Variants in TAOK3 observed in about 807,000 individuals in gnomAD.
TAOK3 encodes the protein serine/threonine-protein kinase TAO3.
TAOK3 carries 40 observed loss-of-function variants against 120.4 expected under a neutral mutation model. The ratio of observed to expected loss-of-function variants is 0.33; its 90% CI spans 0.26 to 0.43. The LOEUF is 0.43. TAOK3 is among the 20% of genes least tolerant of loss of function. TAOK3 has a pLI of 1.00. For synonymous variants in TAOK3, 355 were observed against 387.5 expected (o/e 0.92, Z 0.99); for missense variants, 821 against 1,112.1 (o/e 0.74, Z 3.72).
intron 13 of TAOK3, among the ~76,000 whole-genome samples, chr12:118,197,196 C>G (rs879538073): frequency 8.5e-5 from 13 of 152,070 alleles, no homozygotes; most frequent in Non-Finnish European, 1.5e-4. Flanking sequence ...GGTAACTCAT[C>G]CAAAGTTTTA....
chr12:118,227,421 G>C (rs2039562569), intron 9 of TAOK3, among the ~76,000 whole-genome samples: 1 of 151,126 alleles, frequency 6.6e-6, no homozygotes, highest in Non-Finnish European at 1.5e-5. Flanking sequence ...CAACTCCTCA[G>C]TTATGACCCT....
intron 9 of TAOK3, among the ~76,000 whole-genome samples, chr12:118,225,330 A>G (rs1023978986): frequency 6.6e-6 from 1 of 151,716 alleles, no homozygotes; most frequent in Non-Finnish European, 1.5e-5. Flanking sequence ...CCCCAAACAT[A>G]CAGAAAATAG....
intron 11 of TAOK3, among the ~76,000 whole-genome samples, chr12:118,206,041 CAGA>C (rs2038289716): frequency 6.6e-6 from 1 of 151,952 alleles, no homozygotes; most frequent in Admixed American, 6.6e-5. Flanking sequence ...GAGAGGTAGG[CAGA>C]AGTTCTCAAG....
intron 1 of TAOK3, among the ~76,000 whole-genome samples, chr12:118,277,180 T>C (rs571545877): frequency 6.6e-6 from 1 of 152,334 alleles, no homozygotes; most frequent in Non-Finnish European, 1.5e-5. Context: ...TGTTTCTTAT[T>C]ATTCAGTATG....
At chr12:118,297,714 G>A (rs2042734820) in intron 1 of TAOK3, among the ~76,000 whole-genome samples, 1 of 152,106 alleles carries the variant, frequency 6.6e-6, no homozygotes, top group African/African-American at 2.4e-5. Flanking sequence ...AGAATAAAAG[G>A]AGATATCCAA....
chr12:118,331,688 A>C (rs1435974023), intron 1 of TAOK3, among the ~76,000 whole-genome samples: 1 of 150,806 alleles, frequency 6.6e-6, no homozygotes, highest in Non-Finnish European at 1.5e-5. Context: ...CTGACTTTAC[A>C]GTAGTCTTAA....
At position 118,150,892 on chromosome 12, in the gene TAOK3, G is replaced by A; in HGVS notation, c.*105C>T. 4.4e-6 allele frequency: 5 copies of A among 1,144,444 alleles called. No individual in the cohort carries two copies. Among genetic ancestry groups the A allele is most frequent in the Non-Finnish European group, 3.7e-6 (3 of 820,836 alleles). 70.9% of individuals were successfully genotyped at this position (1,144,444 alleles called of 1,614,324 possible). A position where few individuals can be genotyped will look rare whatever the true frequency, so the allele number is the denominator to read the frequency against. On this transcript the variant is annotated 3_prime_UTR_variant, in exon 21 of 21. Transcript: ENST00000392533. ...TCAGTAAGAGTAAGAGAGAGAGAGA[G>A]TGAGAGCAACGCCCGTTAAAATGGG...
In TAOK3 at chr12:118,329,120, T is replaced by C. The variant is rs113761057; in HGVS notation, c.-194+43528A>G. The stretch of plus-strand genomic sequence containing the variant: ...AAGTACTAGAGAAGCCAAAAGATAT[T>C]TGAGGAAGGGGGGCAGTTAATGCAA... On this transcript the variant is annotated intron_variant, in intron 1 of 20. Coordinates refer to ENST00000392533, the MANE Select transcript of TAOK3 (RefSeq NM_016281.4). Among the ~76,000 whole-genome samples, 816 of 152,128 alleles carry C rather than the reference T, an allele frequency of 5.4e-3. 10 individuals are homozygous for C. Among genetic ancestry groups the C allele is most frequent in the African/African-American group, 0.019 (788 of 41,518 alleles).
At chr12:118,324,867 C>T (rs1268233646) in intron 1 of TAOK3, among the ~76,000 whole-genome samples, 1 of 151,010 alleles carries the variant, frequency 6.6e-6, no homozygotes, top group Non-Finnish European at 1.5e-5. Context: ...GCCTCAGCCT[C>T]CCGAGTAGCT....
At position 118,243,435 on chromosome 12, in the gene TAOK3, A is replaced by C; in HGVS notation, c.274T>G (p.Leu92Val). 6.4e-7 allele frequency: 1 copy of C among 1,571,174 alleles called. No homozygotes were observed. The highest frequency in any genetic ancestry group is 8.6e-7 in the Non-Finnish European group (1 of 1,162,396). ...CTTACCCAAGCAGTGTGTTCTTTCAAGTAACAGCCTTTGTACTCAATAGTA... is the reference window on the plus strand; with the variant it reads ...CTTACCCAAGCAGTGTGTTCTTTCACGTAACAGCCTTTGTACTCAATAGTA... ...PNTIEYKGCYLKEHTAWLVME... is the reference protein window; with the variant it reads ...PNTIEYKGCYVKEHTAWLVME... Residue 92 changes from leucine to valine, a missense_variant, in exon 5 of 21, where the codon TTG (leucine) becomes GTG (valine). Leu to Val is a conservative substitution (Grantham distance 32, BLOSUM62 1). This residue lies in a region of TAOK3 where 467 missense variants were observed against 540.0 expected (regional missense o/e 0.86). Transcript: ENST00000392533.
intron 14 of TAOK3, 74 bp from the exon 15 acceptor site, chr12:118,181,681 C>T: frequency 1.6e-6 from 2 of 1,287,000 alleles, no homozygotes; most frequent in East Asian, 2.3e-5. Flanking sequence ...AGTAGAACGG[C>T]CCTGTGGCAT....
chr12:118,177,143 T>A, intron 16 of TAOK3, 58 bp downstream of exon 16: 1 of 1,556,878 alleles, frequency 6.4e-7, no homozygotes, highest in Non-Finnish European at 8.8e-7. Context: ...GATGAGTGAA[T>A]GTTAAGTTCC....
chr12:118,257,415 A>G (rs1188575231), intron 2 of TAOK3, among the ~76,000 whole-genome samples: 3 of 152,196 alleles, frequency 2.0e-5, no homozygotes, highest in African/African-American at 7.2e-5. Flanking sequence ...AGTTACATAA[A>G]TTTATTTGAT....
intron 1 of TAOK3, among the ~76,000 whole-genome samples, chr12:118,356,218 C>T (rs1381106739): frequency 1.3e-5 from 2 of 151,992 alleles, no homozygotes; most frequent in East Asian, 1.9e-4. Flanking sequence ...GTCCCCTCCC[C>T]TCTTTTAGTA....
intron 14 of TAOK3, among the ~76,000 whole-genome samples, chr12:118,185,031 G>T (rs811247): frequency 0.7 from 105,742 of 151,648 alleles, 36,903 homozygotes; most frequent in South Asian, 0.72. Flanking sequence ...CATGTCCCTT[G>T]GCCCTCCACT....
At chr12:118,280,000 C>A (rs529800410) in intron 1 of TAOK3, among the ~76,000 whole-genome samples, 2 of 150,936 alleles carry the variant, frequency 1.3e-5, no homozygotes, top group Non-Finnish European at 2.9e-5. Context: ...CTCCTGACTT[C>A]GTGATCCGCC....
intron 10 of TAOK3, among the ~76,000 whole-genome samples, chr12:118,213,329 T>C (rs2038723204): frequency 6.6e-6 from 1 of 152,170 alleles, no homozygotes; most frequent in Admixed American, 6.6e-5. Flanking sequence ...TCTCATAGTC[T>C]CAACTCTATA....
intron 3 of TAOK3, among the ~76,000 whole-genome samples, chr12:118,254,466 A>G: frequency 6.6e-6 from 1 of 150,594 alleles, no homozygotes. Flanking sequence ...GACATATATA[A>G]AGCAAAAAAT....
At chr12:118,288,705 C>G (rs1330850651) in intron 1 of TAOK3, among the ~76,000 whole-genome samples, 1 of 151,666 alleles carries the variant, frequency 6.6e-6, no homozygotes, top group Admixed American at 6.6e-5. Context: ...TTCCTGAGCT[C>G]AGGCATTCAA....
Sources: gnomAD v4.1 joint callset for allele counts (sites outside exome capture counted in the v4.1 genomes callset) on GRCh38, gnomAD v4.1.1 for gene constraint, gnomAD v4.1.1 regional missense constraint, MANE v1.5 for transcripts, NCBI Gene and HGNC (gene_info 2026-07-23, HGNC 2026-07-21) for gene names.